Variants in PMPCB observed in about 807,000 individuals in gnomAD.
PMPCB encodes the protein mitochondrial-processing peptidase subunit beta.
PMPCB carries 46 observed loss-of-function variants against 61.5 expected under a neutral mutation model. The ratio of observed to expected loss-of-function variants is 0.75; its 90% CI spans 0.59 to 0.96. PMPCB has a LOEUF of 0.96. Ranked by LOEUF, PMPCB falls within the 40% of genes least tolerant of loss-of-function variation. The pLI is 0.00. For synonymous variants in PMPCB, 191 were observed against 201.6 expected, an observed-to-expected ratio of 0.95 and a Z score of 0.44; for missense variants, 590 against 602.4, an observed-to-expected ratio of 0.98 and a Z score of 0.22.
At chr7:103,317,477 C>G (rs181307604), downstream of PMPCB, 285 of 153,808 alleles carry the variant, frequency 1.9e-3, no homozygotes, top group Non-Finnish European at 3.6e-3. Context: ...CAAACATGCA[C>G]AAGTAAAAAA....
At chr7:103,323,614 TTTC>T (rs766405333) in intron 12 of PMPCB, 10 of 1,469,400 alleles carry the variant, frequency 6.8e-6, no homozygotes, top group African/African-American at 1.4e-5. Flanking sequence ...GCTTTTTCTT[TTTC>T]TTCTTCATCT....
chr7:103,309,833 CAG>C (rs1554563150), intron 8 of PMPCB, among the ~76,000 whole-genome samples: 4 of 152,140 alleles, frequency 2.6e-5, no homozygotes, highest in Non-Finnish European at 5.9e-5. Flanking sequence ...GGTAAAATAA[CAG>C]GGAATCTAGA....
At chr7:103,321,112 G>T (rs1181003643) in intron 12 of PMPCB, among the ~76,000 whole-genome samples, 1 of 151,946 alleles carries the variant, frequency 6.6e-6, no homozygotes, top group East Asian at 1.9e-4. Context: ...GCATGAGAAT[G>T]GCTTGAACTT....
chr7:103,318,860 C>CT (rs1401345868), downstream of PMPCB, among the ~76,000 whole-genome samples: 5 of 152,164 alleles, frequency 3.3e-5, no homozygotes, highest in Non-Finnish European at 7.3e-5. Flanking sequence ...AAATCAAACA[C>CT]TAAGTATGGT....
Position 103,312,388 on chromosome 7 carries a change from C to G in PMPCB, c.*117C>G. On this transcript the variant is annotated 3_prime_UTR_variant, in exon 13 of 13. Transcript: ENST00000249269. ...TGAATTAAATACTGTATCATACTTT[C>G]AAAGGATAAAAAGACTACCCCTCTG... 3 of 1,526,932 alleles carry G rather than the reference C, an allele frequency of 2.0e-6. No individual in the cohort carries two copies. Among genetic ancestry groups the G allele is most frequent in the Non-Finnish European group, 2.6e-6 (3 of 1,146,058 alleles). The allele number at this position is 1,526,932 out of a possible 1,614,324, so 94.6% of individuals were successfully genotyped here.
downstream of PMPCB, among the ~76,000 whole-genome samples, chr7:103,330,565 C>G (rs1818924095): frequency 6.6e-6 from 1 of 152,096 alleles, no homozygotes; most frequent in African/African-American, 2.4e-5. Flanking sequence ...AGATTTCCTG[C>G]CTCAGCCTCC....
Position 103,312,492 on chromosome 7 carries a change from A to T in PMPCB, c.*221A>T. 1.9e-6 allele frequency: 3 copies of T among 1,571,746 alleles called. No homozygotes were observed. Among genetic ancestry groups the T allele is most frequent in the Non-Finnish European group, 2.6e-6 (3 of 1,163,596 alleles). ...AGCAGCATACTTTCAAATTATTACCATGAGTATAATTTTAAGAATGAAAAT... is the reference window on the plus strand; with the variant it reads ...AGCAGCATACTTTCAAATTATTACCTTGAGTATAATTTTAAGAATGAAAAT... On this transcript the variant is annotated 3_prime_UTR_variant, in exon 13 of 13. Coordinates refer to ENST00000249269, the MANE Select transcript of PMPCB (RefSeq NM_004279.3).
chr7:103,333,872 G>A (rs1349655546), downstream of PMPCB, among the ~76,000 whole-genome samples: 1 of 151,716 alleles, frequency 6.6e-6, no homozygotes, highest in Non-Finnish European at 1.5e-5. Context: ...ATATATAGCA[G>A]TTTGCTTATC....
chr7:103,299,193 T>C (rs1474109879), intron 2 of PMPCB, among the ~76,000 whole-genome samples: 2 of 152,236 alleles, frequency 1.3e-5, no homozygotes, highest in Non-Finnish European at 2.9e-5. Flanking sequence ...AGTTATTAAT[T>C]GGCTGGATTA....
chr7:103,338,993 A>G, the PMPCB span, among the ~76,000 whole-genome samples: 1 of 152,152 alleles, frequency 6.6e-6, no homozygotes, highest in South Asian at 2.1e-4. Context: ...TGTATGCACA[A>G]AGGCCTAAGA....
In PMPCB at chr7:103,327,377, T is replaced by A; in HGVS notation, c.*1432-1554T>A. The A allele has an allele frequency of 1.6e-6, 2 of 1,241,694 alleles. 1 individual carries two copies. Among genetic ancestry groups the A allele is most frequent in the Non-Finnish European group, 2.2e-6 (2 of 927,174 alleles). 76.9% of individuals were successfully genotyped at this position (1,241,694 alleles called of 1,614,324 possible). A position where few individuals can be genotyped will look rare whatever the true frequency, so the allele number is the denominator to read the frequency against. On this transcript the variant is annotated intron_variant and NMD_transcript_variant, in intron 12 of 12. Transcript: ENST00000444457. ...GCTTCTGATAAGAATCACCTGGGGA[T>A]CCTGTTAAAATGCAGATTTTAATCA...
intron 6 of PMPCB, 87 bp from the exon 7 acceptor site, chr7:103,307,509 G>A: frequency 1.3e-6 from 1 of 742,964 alleles, no homozygotes; most frequent in Non-Finnish European, 2.4e-6. Flanking sequence ...TAGTTCATGT[G>A]TAATGTACAT....
chr7:103,340,085 G>T, the PMPCB span, among the ~76,000 whole-genome samples: 1 of 152,142 alleles, frequency 6.6e-6, no homozygotes, highest in Non-Finnish European at 1.5e-5. Flanking sequence ...TGATCTGCCC[G>T]CCTCAGCCTC....
chr7:103,311,752 G>A (rs759905001), intron 10 of PMPCB, 24 bp downstream of exon 10: 21 of 1,605,014 alleles, frequency 1.3e-5, no homozygotes, highest in Non-Finnish European at 1.6e-5. Flanking sequence ...TATAGGTTCT[G>A]TTTTCATATG....
At chr7:103,322,797 A>G (rs1428491571) in intron 12 of PMPCB, 11 of 1,599,708 alleles carry the variant, frequency 6.9e-6, no homozygotes, top group Admixed American at 1.7e-5. Context: ...CATCACGACT[A>G]TAAAATAGAA....
intron 1 of PMPCB, 153 bp downstream of exon 1, chr7:103,297,711 C>G: frequency 6.5e-7 from 1 of 1,535,306 alleles, no homozygotes; most frequent in South Asian, 1.2e-5. Flanking sequence ...GGCTGCTGAA[C>G]TGGCCGGGGG....
rs141127267 is a variant in PMPCB at position 103,308,921 on chromosome 7, A to G, written c.850-31A>G. The stretch of plus-strand genomic sequence containing the variant: ...AGCATGTTATATAATGTTAATCTTA[A>G]CTAGAGGTCCTCCTGCTTTATCTTA... On this transcript the variant is annotated intron_variant, in intron 7 of 12. Transcript: ENST00000249269. The G allele has an allele frequency of 1.3e-5, 19 of 1,518,508 alleles. No individual in the cohort carries two copies. The African/African-American group carries it at 2.2e-4, about 18-fold the overall frequency. The allele number at this position is 1,518,508 out of a possible 1,614,324, so 94.1% of individuals were successfully genotyped here.
In PMPCB at chr7:103,311,833, T is replaced by C; in HGVS notation, c.1266T>C (p.Ile422=). The change falls in exon 11 of 13, where the codon ATT becomes ATC. Residue 422 remains isoleucine, a synonymous_variant. Coordinates refer to ENST00000249269, the MANE Select transcript of PMPCB (RefSeq NM_004279.3). ...GTTCAACTCCAATTTGTGAAGATATTGGTAGGCAAATGTTATGCTATAATA... is the reference window on the plus strand; with the variant it reads ...GTTCAACTCCAATTTGTGAAGATATCGGTAGGCAAATGTTATGCTATAATA... ...LDGSTPICED[I]GRQMLCYNRR... 6.2e-7 allele frequency: 1 copy of C among 1,613,252 alleles called. No homozygotes were observed. The highest frequency in any genetic ancestry group is 1.3e-5 in the African/African-American group (1 of 75,044).
At chr7:103,301,700 A>G (rs1333928262) in intron 4 of PMPCB, among the ~76,000 whole-genome samples, 1 of 152,146 alleles carries the variant, frequency 6.6e-6, no homozygotes, top group Non-Finnish European at 1.5e-5. Flanking sequence ...GGGGTTTTTC[A>G]CCCTTCACCC....
Sources: gnomAD v4.1 joint callset for allele counts (sites outside exome capture counted in the v4.1 genomes callset) on GRCh38, gnomAD v4.1.1 for gene constraint, MANE v1.5 for transcripts, NCBI Gene and HGNC (gene_info 2026-07-23, HGNC 2026-07-21) for gene names.